LRRC4C: variants seen among roughly 807,000 people sequenced by gnomAD.
The protein encoded by LRRC4C is leucine rich repeat containing 4C.
Under a neutral mutation model 33.6 loss-of-function variants are expected in LRRC4C, and 5 were observed. That is an observed-to-expected ratio of 0.15 (90% CI 0.08 to 0.31). The LOEUF (loss-of-function observed/expected upper bound fraction) is 0.31, where lower values mean the gene tolerates loss of function less well. Among genes scored for constraint, LRRC4C ranks in the 10% least tolerant of loss-of-function variants. The pLI is 1.00. For synonymous variants in LRRC4C, 329 were observed against 302.0 expected (o/e 1.09, Z -0.93); for missense variants, 560 against 796.7 (o/e 0.70, Z 3.58).
intron 1 of LRRC4C, among the ~76,000 whole-genome samples, chr11:41,131,256 A>T (rs1942998466): frequency 6.6e-6 from 1 of 151,934 alleles, no homozygotes; most frequent in African/African-American, 2.4e-5. Flanking sequence ...GATATGCTGA[A>T]ATTTCTATTT....
intron 5 of LRRC4C, among the ~76,000 whole-genome samples, chr11:40,223,385 A>G (rs998604391): frequency 1.3e-5 from 2 of 152,194 alleles, no homozygotes; most frequent in African/African-American, 2.4e-5. Flanking sequence ...GACCTACAGC[A>G]AACGACAAAA....
At chr11:40,784,548 A>AT (rs1369121826) in intron 2 of LRRC4C, among the ~76,000 whole-genome samples, 5 of 152,184 alleles carry the variant, frequency 3.3e-5, no homozygotes, top group African/African-American at 1.2e-4. Flanking sequence ...ACTTAAAGTA[A>AT]TTTTTTATGT....
intron 5 of LRRC4C, among the ~76,000 whole-genome samples, chr11:40,213,916 T>C (rs1863785982): frequency 6.6e-6 from 1 of 152,036 alleles, no homozygotes; most frequent in South Asian, 2.1e-4. Context: ...TGATCCCAAA[T>C]TGAAAATGAG....
At chr11:40,185,201 T>C (rs1055486512) in intron 5 of LRRC4C, among the ~76,000 whole-genome samples, 5 of 152,230 alleles carry the variant, frequency 3.3e-5, no homozygotes, top group African/African-American at 1.2e-4. Context: ...TGTATATACA[T>C]GTGCTTGTGT....
At chr11:40,769,764 A>G (rs1237292100) in intron 2 of LRRC4C, among the ~76,000 whole-genome samples, 1 of 152,204 alleles carries the variant, frequency 6.6e-6, no homozygotes, top group Non-Finnish European at 1.5e-5. Context: ...TGCTAGAAAT[A>G]CTGATATCCA....
At chr11:40,863,929 G>T (rs1446232165) in intron 2 of LRRC4C, among the ~76,000 whole-genome samples, 1 of 151,464 alleles carries the variant, frequency 6.6e-6, no homozygotes. Context: ...AGCAAACATT[G>T]CATGTTCTCC....
At chr11:40,332,586 G>T (rs1179028394) in intron 3 of LRRC4C, among the ~76,000 whole-genome samples, 2 of 152,130 alleles carry the variant, frequency 1.3e-5, no homozygotes. Flanking sequence ...ATCAACACTT[G>T]TGTAAATTAA....
At chr11:41,074,163 T>C (rs1938930147) in intron 1 of LRRC4C, among the ~76,000 whole-genome samples, 1 of 152,198 alleles carries the variant, frequency 6.6e-6, no homozygotes, top group Non-Finnish European at 1.5e-5. Flanking sequence ...ATTACTTAAA[T>C]TTTAAAGAGA....
intron 1 of LRRC4C, among the ~76,000 whole-genome samples, chr11:41,232,002 T>C (rs140068366): frequency 2.0e-5 from 3 of 152,050 alleles, no homozygotes; most frequent in African/African-American, 7.2e-5. Context: ...TAGGGTTCTA[T>C]ACCACCACTT....
At chr11:41,090,845 T>A (rs1940363026) in intron 1 of LRRC4C, among the ~76,000 whole-genome samples, 1 of 152,154 alleles carries the variant, frequency 6.6e-6, no homozygotes, top group Non-Finnish European at 1.5e-5. Flanking sequence ...TTGTTTTCCC[T>A]TTGCCTTCCA....
chr11:41,214,575 C>CAAAAAAAAAAAAAAAAAAAAAA lies in LRRC4C; in HGVS notation c.-496+244834_-496+244855dup, dbSNP rs547167050. ...TGAAACCCCGTCTCTACTAAAAATA[C>CAAAAAAAAAAAAAAAAAAAAAA]AAAAAAAAAAAAAAAAAAAAAAAAA... On this transcript the variant is annotated intron_variant, in intron 1 of 6. Transcript: ENST00000528697. Among the ~76,000 whole-genome samples, 24 of 34,758 alleles carry CAAAAAAAAAAAAAAAAAAAAAA rather than the reference C, an allele frequency of 6.9e-4. 1 individual carries two copies. Among genetic ancestry groups the CAAAAAAAAAAAAAAAAAAAAAA allele is most frequent in the African/African-American group, 2.6e-3 (22 of 8,424 alleles). 22.8% of individuals were successfully genotyped at this position (34,758 alleles called of 152,430 possible).
At chr11:40,666,818 G>A (rs1338270253) in intron 2 of LRRC4C, among the ~76,000 whole-genome samples, 1 of 152,156 alleles carries the variant, frequency 6.6e-6, no homozygotes, top group East Asian at 1.9e-4. Context: ...AATCAACCAA[G>A]TCTTAGAGTT....
chr11:40,989,978 G>A (rs1184149592), intron 1 of LRRC4C, among the ~76,000 whole-genome samples: 2 of 151,556 alleles, frequency 1.3e-5, no homozygotes, highest in Non-Finnish European at 2.9e-5. Flanking sequence ...ATGATTTAAA[G>A]TATAAGGGAG....
intron 1 of LRRC4C, among the ~76,000 whole-genome samples, chr11:41,276,944 A>T (rs1364437339): frequency 6.6e-6 from 1 of 152,172 alleles, no homozygotes; most frequent in African/African-American, 2.4e-5. Flanking sequence ...AATCCATTTG[A>T]GATTTCTGAA....
intron 1 of LRRC4C, among the ~76,000 whole-genome samples, chr11:41,312,083 A>T (rs979456297): frequency 3.9e-5 from 6 of 152,330 alleles, no homozygotes; most frequent in African/African-American, 1.4e-4. Flanking sequence ...CCCTCTATTG[A>T]TATATGGAAT....
At chr11:40,706,424 A>G (rs894709014) in intron 2 of LRRC4C, among the ~76,000 whole-genome samples, 3 of 152,200 alleles carry the variant, frequency 2.0e-5, no homozygotes, top group Admixed American at 1.3e-4. Context: ...AGCTTTCTAC[A>G]TATGGCCAGC....
intron 1 of LRRC4C, among the ~76,000 whole-genome samples, chr11:41,388,613 G>T (rs543817773): frequency 2.0e-5 from 3 of 151,988 alleles, no homozygotes; most frequent in Non-Finnish European, 4.4e-5. Context: ...TAGCTGAATG[G>T]CTAGGAAGGC....
intron 1 of LRRC4C, among the ~76,000 whole-genome samples, chr11:41,232,159 A>G (rs1275085171): frequency 6.6e-6 from 1 of 152,008 alleles, no homozygotes; most frequent in Admixed American, 6.6e-5. Flanking sequence ...GGAAGTTGAC[A>G]ACATCCTCCT....
intron 6 of LRRC4C, among the ~76,000 whole-genome samples, chr11:40,135,462 G>T (rs1418891269): frequency 1.3e-5 from 2 of 152,092 alleles, no homozygotes; most frequent in Non-Finnish European, 2.9e-5. Flanking sequence ...GTATTTTTCT[G>T]TATTCACTTT....
Sources: allele counts gnomAD v4.1 joint callset (sites outside exome capture counted in the v4.1 genomes callset), GRCh38; gene constraint gnomAD v4.1.1; transcripts MANE v1.5; gene names NCBI Gene and HGNC (gene_info 2026-07-23, HGNC 2026-07-21).